AVEN: variants seen among roughly 807,000 people sequenced by gnomAD.
The protein encoded by AVEN is apoptosis and caspase activation inhibitor.
A neutral mutation model predicts 38.1 loss-of-function variants in AVEN; 41 were observed. The ratio of observed to expected loss-of-function variants is 1.08; its 90% CI spans 0.84 to 1.40. The LOEUF (loss-of-function observed/expected upper bound fraction) is 1.40. Ranked by LOEUF, AVEN falls within the 40% of genes most tolerant of loss-of-function variation. AVEN has a pLI of 0.00. For synonymous variants in AVEN, 206 were observed against 171.8 expected, an observed-to-expected ratio of 1.20 and a Z score of -1.56; for missense variants, 605 against 438.8, an observed-to-expected ratio of 1.38 and a Z score of -3.38.
intron 2 of AVEN, among the ~76,000 whole-genome samples, chr15:33,962,227 T>C (rs1374860087): frequency 6.6e-6 from 1 of 152,206 alleles, no homozygotes; most frequent in Non-Finnish European, 1.5e-5. Flanking sequence ...AACAGTGTAT[T>C]GCTTCTCACA....
At chr15:34,051,718 G>A (rs974432438) in intron 5 of AVEN, among the ~76,000 whole-genome samples, 1 of 152,110 alleles carries the variant, frequency 6.6e-6, no homozygotes, top group South Asian at 2.1e-4. Flanking sequence ...ACACTTCTAT[G>A]CACGTAAACT....
At chr15:34,059,392 T>A (rs1251444056) in intron 5 of AVEN, among the ~76,000 whole-genome samples, 2 of 152,144 alleles carry the variant, frequency 1.3e-5, no homozygotes, top group East Asian at 1.9e-4. Flanking sequence ...TTAGAAAAAA[T>A]TCAGCAAGCG....
At chr15:33,899,192 G>A (rs1350557378) in intron 2 of AVEN, among the ~76,000 whole-genome samples, 2 of 111,482 alleles carry the variant, frequency 1.8e-5, no homozygotes, top group Non-Finnish European at 4.0e-5. Flanking sequence ...CTATGACACA[G>A]TGAAGAGGCT....
At chr15:33,907,616 T>C (rs1191879659) in intron 2 of AVEN, among the ~76,000 whole-genome samples, 1 of 152,186 alleles carries the variant, frequency 6.6e-6, no homozygotes, top group Non-Finnish European at 1.5e-5. Flanking sequence ...CATGTTGCTA[T>C]CTGCCTTTTA....
At chr15:34,015,477 A>G (rs556589789) in intron 1 of AVEN, among the ~76,000 whole-genome samples, 4 of 149,916 alleles carry the variant, frequency 2.7e-5, no homozygotes, top group African/African-American at 7.5e-5. Context: ...GCGAGACTCC[A>G]TCTCAAAAAA....
At position 33,889,060 on chromosome 15, in the gene AVEN, C is replaced by T. The variant is rs554421275; in HGVS notation, c.446-13065G>A. On this transcript the variant is annotated intron_variant, in intron 2 of 5. Transcript: ENST00000306730. ...TTTCATATAACTCAGGTGAGATGTA[C>T]GTCTTACAGATATTTTAAAATTATT... Among the ~76,000 whole-genome samples, 119 of 152,190 alleles carry T rather than the reference C, an allele frequency of 7.8e-4. 1 individual carries two copies. The highest frequency in any genetic ancestry group is 6.5e-4 in the Non-Finnish European group (44 of 68,010).
chr15:33,936,172 C>T (rs971189264), intron 2 of AVEN, among the ~76,000 whole-genome samples: 1 of 151,842 alleles, frequency 6.6e-6, no homozygotes, highest in Non-Finnish European at 1.5e-5. Flanking sequence ...TCTATCACTG[C>T]CTCTATTCAG....
intron 5 of AVEN, among the ~76,000 whole-genome samples, chr15:34,061,011 G>A (rs954822839): frequency 2.7e-5 from 4 of 145,512 alleles, no homozygotes; most frequent in Non-Finnish European, 6.0e-5. Flanking sequence ...GCGAGACTCC[G>A]TCTCAAAAAA....
At chr15:34,038,469 T>C (rs557410126) in intron 1 of AVEN, among the ~76,000 whole-genome samples, 79 of 152,200 alleles carry the variant, frequency 5.2e-4, no homozygotes, top group African/African-American at 1.2e-3. Flanking sequence ...CCGCCGAGAC[T>C]TGCAGCCCTG....
chr15:33,865,226 A>T, downstream of AVEN: 1 of 1,610,572 alleles, frequency 6.2e-7, no homozygotes, highest in Non-Finnish European at 8.5e-7. Flanking sequence ...AGCTTGGATA[A>T]ATCTGAATCA....
At chr15:33,878,258 C>T (rs1039682372) in intron 2 of AVEN, among the ~76,000 whole-genome samples, 5 of 151,892 alleles carry the variant, frequency 3.3e-5, no homozygotes, top group Non-Finnish European at 7.4e-5. Context: ...AAGAAGTTGT[C>T]TTATTGATTA....
intron 1 of AVEN, among the ~76,000 whole-genome samples, chr15:34,036,824 C>T (rs996278434): frequency 1.3e-5 from 2 of 151,510 alleles, no homozygotes; most frequent in African/African-American, 4.8e-5. Flanking sequence ...ACCATCATGA[C>T]CAGGCGCAGT....
chr15:33,962,545 G>C lies in AVEN; in HGVS notation c.445+40487C>G, dbSNP rs370214252. On this transcript the variant is annotated intron_variant, in intron 2 of 5. Coordinates refer to ENST00000306730, the MANE Select transcript of AVEN (RefSeq NM_020371.3). ...TTTCTTTCCATCTATTATTACCTTA[G>C]TCTAAGGAATCATCATATTTTCCCT... 2.7e-4 allele frequency among the ~76,000 whole-genome samples: 41 copies of C among 152,008 alleles called. 1 individual carries two copies. In the East Asian group the frequency reaches 5.8e-3, roughly 22 times the overall value.
intron 1 of AVEN, among the ~76,000 whole-genome samples, chr15:34,009,401 T>C (rs1457384901): frequency 6.6e-6 from 1 of 152,216 alleles, no homozygotes; most frequent in Non-Finnish European, 1.5e-5. Context: ...GTCTTCCCTT[T>C]ACTGATTTTA....
downstream of AVEN, chr15:33,864,943 C>T: frequency 1.9e-6 from 1 of 540,442 alleles, no homozygotes; most frequent in Non-Finnish European, 3.3e-6. Flanking sequence ...CAGCATGTGT[C>T]AGAGAGACAT....
At chr15:33,865,643 C>CTGCAGTCTAATTTT (rs1361306018), downstream of AVEN, 1 of 136,510 alleles carries the variant, frequency 7.3e-6, no homozygotes, top group African/African-American at 2.7e-5. Context: ...TCTGAACTCA[C>CTGCAGTCTAATTTT]TCCAAAAGAT....
chr15:33,882,515 A>G (rs1891529713), intron 2 of AVEN, among the ~76,000 whole-genome samples: 1 of 152,138 alleles, frequency 6.6e-6, no homozygotes, highest in Admixed American at 6.6e-5. Flanking sequence ...GCCAAAATTA[A>G]TAAGAGATTT....
intron 2 of AVEN, among the ~76,000 whole-genome samples, chr15:33,939,786 C>CT (rs745452431): frequency 3.3e-5 from 5 of 152,110 alleles, no homozygotes; most frequent in Non-Finnish European, 5.9e-5. Context: ...ATGTAATGGT[C>CT]TTAGGAGATG....
At chr15:33,869,065 G>A (rs1284374071) in intron 4 of AVEN, among the ~76,000 whole-genome samples, 1 of 152,114 alleles carries the variant, frequency 6.6e-6, no homozygotes, top group Non-Finnish European at 1.5e-5. Context: ...TAAACATCCT[G>A]AGCAGACATG....
Sources: allele counts gnomAD v4.1 joint callset (sites outside exome capture counted in the v4.1 genomes callset), GRCh38; gene constraint gnomAD v4.1.1; transcripts MANE v1.5; gene names NCBI Gene and HGNC (gene_info 2026-07-23, HGNC 2026-07-21).